The following PPP4R3B variants were observed in gnomAD, a reference collection of about 807,000 sequenced individuals.
PPP4R3B encodes serine/threonine-protein phosphatase 4 regulatory subunit 3B.
PPP4R3B carries 52 observed loss-of-function variants against 95.4 expected under a neutral mutation model. The observed-to-expected ratio is 0.54, with a 90% CI of 0.44 to 0.69. The LOEUF (loss-of-function observed/expected upper bound fraction) is 0.69. Ranked by LOEUF, PPP4R3B falls within the 30% of genes least tolerant of loss-of-function variation. The pLI, the probability that PPP4R3B is intolerant of heterozygous loss-of-function variation, is 0.00. For synonymous variants in PPP4R3B, 407 were observed against 343.9 expected (o/e 1.18, Z -2.03); for missense variants, 1,003 against 1,005.9 (o/e 1.00, Z 0.04).
intron 6 of PPP4R3B, among the ~76,000 whole-genome samples, chr2:55,586,022 G>C (rs1033434307): frequency 3.3e-5 from 5 of 151,588 alleles, no homozygotes; most frequent in Admixed American, 2.0e-4. Flanking sequence ...GGTACTAAAG[G>C]GATTAGCAGG....
At chr2:55,583,546 T>C (rs1469461376) in intron 7 of PPP4R3B, among the ~76,000 whole-genome samples, 10 of 152,236 alleles carry the variant, frequency 6.6e-5, no homozygotes, top group Non-Finnish European at 1.2e-4. Context: ...GATTGATTCA[T>C]GGTCATTTTA....
At chr2:55,578,679 C>T (rs996145389) in intron 9 of PPP4R3B, among the ~76,000 whole-genome samples, 4 of 151,990 alleles carry the variant, frequency 2.6e-5, no homozygotes, top group Admixed American at 6.6e-5. Context: ...TTGTACCTGT[C>T]ATGCATATGC....
intron 1 of PPP4R3B, among the ~76,000 whole-genome samples, chr2:55,616,773 G>A (rs1227075708): frequency 6.6e-6 from 1 of 151,958 alleles, no homozygotes; most frequent in African/African-American, 2.4e-5. Context: ...TCCCTAAACC[G>A]TTTGTACTAG....
chr2:55,587,092 C>T (rs942461515), intron 5 of PPP4R3B, among the ~76,000 whole-genome samples: 1 of 152,114 alleles, frequency 6.6e-6, no homozygotes, highest in Admixed American at 6.5e-5. Context: ...AGAACATTTT[C>T]CTTACTCCAA....
At chr2:55,616,230 G>C (rs372886820) in intron 1 of PPP4R3B, among the ~76,000 whole-genome samples, 93 of 151,922 alleles carry the variant, frequency 6.1e-4, no homozygotes, top group African/African-American at 2.1e-3. Context: ...ATCATGACAG[G>C]GATTAAATAC....
intron 1 of PPP4R3B, among the ~76,000 whole-genome samples, chr2:55,616,135 T>C (rs932837324): frequency 2.0e-5 from 3 of 152,080 alleles, no homozygotes; most frequent in African/African-American, 7.2e-5. Context: ...AAGGTCTAAA[T>C]GACCACTTCA....
chr2:55,565,947 T>C (rs534423738), intron 13 of PPP4R3B: 2 of 152,328 alleles, frequency 1.3e-5, no homozygotes, highest in South Asian at 4.1e-4. Flanking sequence ...TGATAAACTA[T>C]CTGGAATTCT....
At chr2:55,563,440 A>G (rs1686878801) in intron 15 of PPP4R3B, among the ~76,000 whole-genome samples, 1 of 152,180 alleles carries the variant, frequency 6.6e-6, no homozygotes, top group South Asian at 2.1e-4. Flanking sequence ...GCGGCAGCTC[A>G]TGGCTCACTG....
At chr2:55,574,437 C>A (rs1688387541) in intron 11 of PPP4R3B, among the ~76,000 whole-genome samples, 1 of 151,804 alleles carries the variant, frequency 6.6e-6, no homozygotes, top group Admixed American at 6.6e-5. Context: ...ATTAATAAAT[C>A]TATAAAAGGG....
At chr2:55,565,082 G>A (rs1687115799) in intron 13 of PPP4R3B, 41 bp from the exon 14 acceptor site, 9 of 1,442,794 alleles carry the variant, frequency 6.2e-6, no homozygotes, top group Non-Finnish European at 8.3e-6. Context: ...ATAATACAAT[G>A]CTTGTTAGAA....
chr2:55,602,097 C>T (rs777909828), intron 3 of PPP4R3B, among the ~76,000 whole-genome samples: 3 of 152,128 alleles, frequency 2.0e-5, no homozygotes, highest in Non-Finnish European at 4.4e-5. Context: ...AAGGTACAAT[C>T]TGCAGATCAA....
At chr2:55,605,731 C>T (rs1384681836) in intron 2 of PPP4R3B, among the ~76,000 whole-genome samples, 3 of 151,980 alleles carry the variant, frequency 2.0e-5, no homozygotes, top group Non-Finnish European at 4.4e-5. Flanking sequence ...CATGGTGAAA[C>T]CCCGTCTCTA....
At chr2:55,566,331 C>A (rs1224260097) in intron 13 of PPP4R3B, among the ~76,000 whole-genome samples, 3 of 152,110 alleles carry the variant, frequency 2.0e-5, no homozygotes, top group Non-Finnish European at 2.9e-5. Context: ...GTACACAAAT[C>A]GACCACTCGA....
At chr2:55,580,136 T>G (rs1453888130) in intron 8 of PPP4R3B, among the ~76,000 whole-genome samples, 2 of 152,174 alleles carry the variant, frequency 1.3e-5, no homozygotes, top group Non-Finnish European at 2.9e-5. Flanking sequence ...AAGATGCCTG[T>G]GATACGAATA....
At chr2:55,591,523 T>G in intron 4 of PPP4R3B, 1 of 983,258 alleles carries the variant, frequency 1.0e-6, no homozygotes, top group Non-Finnish European at 1.2e-6. Context: ...ACACCTTTTA[T>G]AAATTTCTAT....
intron 3 of PPP4R3B, among the ~76,000 whole-genome samples, chr2:55,601,512 C>A (rs1487666939): frequency 1.3e-5 from 2 of 152,028 alleles, no homozygotes; most frequent in Non-Finnish European, 2.9e-5. Context: ...TCCCAAGTAG[C>A]TGGGACTACA....
At chr2:55,600,356 G>T (rs1040158083) in intron 3 of PPP4R3B, among the ~76,000 whole-genome samples, 2 of 145,014 alleles carry the variant, frequency 1.4e-5, no homozygotes, top group African/African-American at 5.1e-5. Flanking sequence ...AACCTGGGAG[G>T]CGGAGGTTGC....
In PPP4R3B at chr2:55,615,495, AGAG is replaced by A; in HGVS notation, c.151_153del (p.Leu52del). On this transcript the variant is annotated inframe_deletion, in exon 2 of 17. Coordinates refer to ENST00000616407, the MANE Select transcript of PPP4R3B (RefSeq NM_001122964.3). ...GTATTTGGATTTATCTTTGATTCCAAGAGTAGTGATCCTGAAAGATAAAAAATA... is the reference window on the plus strand; with the variant it reads ...GTATTTGGATTTATCTTTGATTCCAATAGTGATCCTGAAAGATAAAAAATA... 1 of 1,588,586 alleles carries A rather than the reference AGAG, an allele frequency of 6.3e-7. No homozygotes were observed. The highest frequency in any genetic ancestry group is 8.6e-7 in the Non-Finnish European group (1 of 1,166,470).
intron 4 of PPP4R3B, among the ~76,000 whole-genome samples, chr2:55,595,026 C>CT (rs201263689): frequency 0.013 from 1,715 of 134,508 alleles, 32 homozygotes; most frequent in East Asian, 0.079. Context: ...CCCTTTTAAA[C>CT]TTTTTTTTTT....
Sources: allele counts gnomAD v4.1 joint callset (sites outside exome capture counted in the v4.1 genomes callset), GRCh38; gene constraint gnomAD v4.1.1; transcripts MANE v1.5; gene names NCBI Gene and HGNC (gene_info 2026-07-23, HGNC 2026-07-21).